The following SYNM variants were observed in gnomAD, a reference collection of about 807,000 sequenced individuals.
SYNM encodes synemin, also known as desmuslin.
Under a neutral mutation model 104.0 loss-of-function variants are expected in SYNM, and 95 were observed. That is an observed-to-expected ratio of 0.91 (90% CI 0.77 to 1.08). SYNM has a LOEUF of 1.08. SYNM is among the 50% of genes least tolerant of loss of function. The probability of loss-of-function intolerance (pLI) is 0.00; values close to 1 mark genes in which losing one functional copy is unlikely to be tolerated. For missense variants in SYNM, 2,150 were observed against 2,052.2 expected, an observed-to-expected ratio of 1.05 and a Z score of -0.92; for synonymous variants, 918 against 869.0, an observed-to-expected ratio of 1.06 and a Z score of -0.99.
intron 3 of SYNM, among the ~76,000 whole-genome samples, chr15:99,127,432 ACCTTTTAAAGC>A (rs1387213417): frequency 6.6e-6 from 1 of 152,166 alleles, no homozygotes; most frequent in African/African-American, 2.4e-5. Context: ...TTGTTTTTTA[ACCTTTTAAAGC>A]CCTATAGAAT....
Position 99,134,307 on chromosome 15 carries a change from C to T in SYNM, c.*1249C>T, listed in dbSNP as rs2151812601. 6.6e-6 allele frequency: 1 copy of T among 151,820 alleles called. No individual in the cohort carries two copies. Among genetic ancestry groups the T allele is most frequent in the African/African-American group, 2.4e-5 (1 of 41,372 alleles). The allele number at this position is 151,820 out of a possible 1,614,324, so 9.4% of individuals were successfully genotyped here. ...CTGGGGGGCGAGAAAGGCCCCCATG[C>T]TCATGGGCCGCGGAGTGTGGACCTG... On this transcript the variant is annotated 3_prime_UTR_variant, in exon 4 of 4. Coordinates refer to ENST00000336292, the MANE Select transcript of SYNM (RefSeq NM_145728.3).
At position 99,131,471 on chromosome 15, in the gene SYNM, G is replaced by T; in HGVS notation, c.3111G>T (p.Glu1037Asp). Residue 1037 changes from glutamate (E) to aspartate (D), a missense_variant, in exon 4 of 4, where the codon GAG becomes GAT. Transcript: ENST00000336292. This position sits in a 1 kb window ranked among gnomAD's most constrained non-coding sequence, Gnocchi z 4.3. ...AGGCTGTGGAGTCGGTGGTTCGGGAGAGCCTGAGCAGGCAACGCAGCCCAG... is the reference window on the plus strand; with the variant it reads ...AGGCTGTGGAGTCGGTGGTTCGGGATAGCCTGAGCAGGCAACGCAGCCCAG... ...MEKAVESVVRESLSRQRSPAP... is the reference protein window; with the variant it reads ...MEKAVESVVRDSLSRQRSPAP... The T allele has an allele frequency of 6.2e-7, 1 of 1,606,492 alleles. No individual in the cohort carries two copies. The highest frequency in any genetic ancestry group is 1.1e-5 in the South Asian group (1 of 90,754).
chr15:99,106,118 G>T lies in SYNM; in HGVS notation c.810+109G>T, dbSNP rs1157892704. On this transcript the variant is annotated intron_variant, in intron 1 of 3. Coordinates refer to ENST00000336292, the MANE Select transcript of SYNM (RefSeq NM_145728.3). ...CCCTTCACCAGGGGCGCGGCGTCGC[G>T]GACCGGTAGGGCCCGCCCAGAGGGT... The T allele has an allele frequency of 4.2e-6, 5 of 1,191,050 alleles. No homozygotes were observed. In the East Asian group the frequency reaches 1.2e-4, roughly 30 times the overall value. The allele number at this position is 1,191,050 out of a possible 1,614,324, so 73.8% of individuals were successfully genotyped here.
chr15:99,126,750 G>A lies in SYNM; in HGVS notation c.964G>A (p.Glu322Lys). Residue 322 changes from glutamate to lysine, a missense_variant, in exon 3 of 4, where the codon GAG (glutamate) becomes AAG (lysine). Physicochemically the swap from Glu to Lys is moderately conservative, Grantham distance 56. Coordinates refer to ENST00000336292, the MANE Select transcript of SYNM (RefSeq NM_145728.3). ...CTTATTGGAAGGAGAAAGTAATCCA[G>A]AGATAGTGATCTGGGCTGAGCACGT... ...RALLEGESNPEIVIWAEHVEN... is the reference protein window; with the variant it reads ...RALLEGESNPKIVIWAEHVEN... 1 of 1,581,638 alleles carries A rather than the reference G, an allele frequency of 6.3e-7. No homozygotes were observed. The highest frequency in any genetic ancestry group is 8.6e-7 in the Non-Finnish European group (1 of 1,163,004).
Position 99,105,220 on chromosome 15 carries a change from G to C in SYNM, c.21G>C (p.Gln7His). The change falls in exon 1 of 4, where the codon CAG (glutamine) becomes CAC (histidine). Residue 7 changes from glutamine (Q) to histidine (H), a missense_variant. By Grantham distance (24) the Gln-to-His change is conservative. Transcript: ENST00000336292. Reference sequence around the variant, plus strand: ...GCAAGATGCTGTCCTGGCGGCTGCAGACGGGCCCCGAGAAGGCCGAGCTCC... The same window carrying C: ...GCAAGATGCTGTCCTGGCGGCTGCACACGGGCCCCGAGAAGGCCGAGCTCC... MLSWRL[Q>H]TGPEKAELQE... is the part of the protein sequence containing the mutation. 4 of 1,573,628 alleles carry C rather than the reference G, an allele frequency of 2.5e-6. No individual in the cohort carries two copies. The highest frequency in any genetic ancestry group is 2.6e-6 in the Non-Finnish European group (3 of 1,161,456).
chr15:99,133,039 A>C lies in SYNM; in HGVS notation c.4679A>C (p.Asn1560Thr), dbSNP rs1555486275. 2 of 1,613,786 alleles carry C rather than the reference A, an allele frequency of 1.2e-6. No individual in the cohort carries two copies. The highest frequency in any genetic ancestry group is 8.5e-7 in the Non-Finnish European group (1 of 1,179,892). ...TATCTAGACAATGAGGAGGAGGAGA[A>C]TGATGGGCATTGGTTTTAATAAGCA... The part of the protein sequence containing the change: ...LLYLDNEEEE[N>T]DGHWF Residue 1560 changes from asparagine to threonine, a missense_variant, in exon 4 of 4, where the codon AAT (asparagine) becomes ACT (threonine). Transcript: ENST00000336292.
At position 99,131,976 on chromosome 15, in the gene SYNM, G is replaced by A; in HGVS notation, c.3616G>A (p.Gly1206Ser). The A allele has an allele frequency of 6.2e-7, 1 of 1,613,980 alleles. No homozygotes were observed. Among genetic ancestry groups the A allele is most frequent in the Non-Finnish European group, 8.5e-7 (1 of 1,179,914 alleles). ...AGAGGCATGGGGCTCGCCAGAACCTGGCCCAGCAGAGTCTTCTGCAGATAT... is the reference window on the plus strand; with the variant it reads ...AGAGGCATGGGGCTCGCCAGAACCTAGCCCAGCAGAGTCTTCTGCAGATAT... ...CPEAWGSPEP[G>S]PAESSADMDG... Residue 1206 changes from glycine to serine, a missense_variant, in exon 4 of 4, where the codon GGC becomes AGC. Transcript: ENST00000336292. This position sits in a 1 kb window ranked among gnomAD's most constrained non-coding sequence, Gnocchi z 4.3.
rs1380582931 is a variant in SYNM at position 99,105,572 on chromosome 15, G to C, written c.373G>C (p.Gly125Arg). The change falls in exon 1 of 4, where the codon GGC (glycine) becomes CGC (arginine). Residue 125 changes from glycine (G) to arginine (R), a missense_variant. By Grantham distance (125) the Gly-to-Arg change is moderately radical. Coordinates refer to ENST00000336292, the MANE Select transcript of SYNM (RefSeq NM_145728.3). ...AQQRELQEAL[G>R]ARAALEALLG... is the part of the protein sequence containing the mutation. ...GCAGCGCGAGCTGCAGGAGGCGCTG[G>C]GCGCGCGCGCCGCCCTCGAGGCGCT... 8.6e-6 allele frequency: 10 copies of C among 1,163,462 alleles called. No homozygotes were observed. In the Admixed American group the frequency reaches 2.4e-4, roughly 28 times the overall value. The allele number at this position is 1,163,462 out of a possible 1,614,324, so 72.1% of individuals were successfully genotyped here. A position where few individuals can be genotyped will look rare whatever the true frequency, so the allele number is the denominator to read the frequency against.
rs925287743 is a variant in SYNM, at chr15:99,106,074, G to A, written c.810+65G>A. 8.2e-6 allele frequency: 11 copies of A among 1,344,608 alleles called. No homozygotes were observed. The African/African-American group carries it at 1.5e-4, about 19-fold the overall frequency. The allele number at this position is 1,344,608 out of a possible 1,614,324, so 83.3% of individuals were successfully genotyped here. A position where few individuals can be genotyped will look rare whatever the true frequency, so the allele number is the denominator to read the frequency against. ...GCCGTCGCCCCAGCACCCTGCCCTT[G>A]ACGGCGTGGGGCAGCGGCCCCTTCA... On this transcript the variant is annotated intron_variant, in intron 1 of 3. Transcript: ENST00000336292.
Position 99,132,524 on chromosome 15 carries a change from A to C in SYNM, c.4164A>C (p.Thr1388=). 1.9e-6 allele frequency: 3 copies of C among 1,614,058 alleles called. No homozygotes were observed. The highest frequency in any genetic ancestry group is 2.5e-6 in the Non-Finnish European group (3 of 1,179,898). ...ESPQEDSAED[T]SGAEMTSGVS... is the part of the protein sequence containing the mutation. ...CCCAGGAGGATAGTGCAGAGGACACATCAGGGGCAGAAATGACATCGGGTG... is the reference window on the plus strand; with the variant it reads ...CCCAGGAGGATAGTGCAGAGGACACCTCAGGGGCAGAAATGACATCGGGTG... The change falls in exon 4 of 4, where the codon ACA becomes ACC. Residue 1388 remains threonine (T), a synonymous_variant. Transcript: ENST00000336292.
In SYNM at chr15:99,105,741, G is replaced by C. The variant is rs1555482583; in HGVS notation, c.542G>C (p.Arg181Pro). The change falls in exon 1 of 4, where the codon CGG becomes CCG. Residue 181 changes from arginine to proline, a missense_variant. By Grantham distance (103) the Arg-to-Pro change is moderately radical (BLOSUM62 -2). Transcript: ENST00000336292. Reference sequence around the variant, plus strand: ...CCCGCCGCGCCGCCGCCACGCCTGCGGGAGGTGCACGACAGCTACGCACTG... The same window carrying C: ...CCCGCCGCGCCGCCGCCACGCCTGCCGGAGGTGCACGACAGCTACGCACTG... ...TGPAAPPPRL[R>P]EVHDSYALLV... 3.3e-6 allele frequency: 5 copies of C among 1,513,218 alleles called. No homozygotes were observed. Among genetic ancestry groups the C allele is most frequent in the Middle Eastern group, 2.3e-4 (1 of 4,284 alleles). The allele number at this position is 1,513,218 out of a possible 1,614,324, so 93.7% of individuals were successfully genotyped here. A position where few individuals can be genotyped will look rare whatever the true frequency, so the allele number is the denominator to read the frequency against.
At chr15:99,140,982 G>T in the SYNM span, 3 of 152,120 alleles carry the variant, frequency 2.0e-5, no homozygotes, top group Admixed American at 6.5e-5. Context: ...GAAATCTGAT[G>T]AAATAAACAT....
chr15:99,115,197 G>A (rs1193923473), intron 2 of SYNM, among the ~76,000 whole-genome samples: 2 of 152,172 alleles, frequency 1.3e-5, no homozygotes, highest in Non-Finnish European at 2.9e-5. Context: ...GGAACATGTG[G>A]CAGTGGAGGG....
rs2067504270 is a variant in SYNM at position 99,131,357 on chromosome 15, G to A, written c.2997G>A (p.Leu999=). Reference sequence around the variant, plus strand: ...GTGCTGGTGGCAGTTCCGTGACCCTGGTTGCTGAAGTCAACGTCTCACAAA... The same window carrying A: ...GTGCTGGTGGCAGTTCCGTGACCCTAGTTGCTGAAGTCAACGTCTCACAAA... ...VQGAGGSSVT[L]VAEVNVSQTV... Residue 999 remains leucine, a synonymous_variant, in exon 4 of 4, where the codon CTG becomes CTA. Transcript: ENST00000336292. This position sits in a 1 kb window ranked among gnomAD's most constrained non-coding sequence, Gnocchi z 4.3. The A allele has an allele frequency of 2.5e-6, 4 of 1,613,316 alleles. No homozygotes were observed. The highest frequency in any genetic ancestry group is 3.4e-6 in the Non-Finnish European group (4 of 1,179,660).
chr15:99,131,963 C>A lies in SYNM; in HGVS notation c.3603C>A (p.Gly1201=). The A allele has an allele frequency of 6.2e-7, 1 of 1,613,884 alleles. No homozygotes were observed. Among genetic ancestry groups the A allele is most frequent in the Non-Finnish European group, 8.5e-7 (1 of 1,179,878 alleles). Residue 1201 remains glycine (G), a synonymous_variant, in exon 4 of 4, where the codon GGC becomes GGA. Transcript: ENST00000336292. This position sits in a 1 kb window ranked among gnomAD's most constrained non-coding sequence, Gnocchi z 4.3. The part of the protein sequence containing the change: ...GPAPACPEAW[G]SPEPGPAESS... ...CCCCTGCCTGTCCAGAGGCATGGGGCTCGCCAGAACCTGGCCCAGCAGAGT... is the reference window on the plus strand; with the variant it reads ...CCCCTGCCTGTCCAGAGGCATGGGGATCGCCAGAACCTGGCCCAGCAGAGT...
rs1474742719 is a variant in SYNM, at chr15:99,130,754, A to G, written c.2394A>G (p.Ser798=). 1.9e-6 allele frequency: 3 copies of G among 1,613,896 alleles called. No homozygotes were observed. In the African/African-American group the frequency reaches 4.0e-5, roughly 22 times the overall value. ...ATGGAGAAAGCGATGTCACATTCTC[A>G]GTTAATCAGCATCGAAGGACCAAGC... ...EGYGESDVTF[S]VNQHRRTKQP... The change falls in exon 4 of 4, where the codon TCA becomes TCG. Residue 798 remains serine, a synonymous_variant. Transcript: ENST00000336292.
chr15:99,113,495 G>A, intron 1 of SYNM, 96 bp from the exon 2 acceptor site: 1 of 1,512,768 alleles, frequency 6.6e-7, no homozygotes, highest in African/African-American at 1.4e-5. Context: ...AATAACCCTG[G>A]TCTGTTTTTC....
chr15:99,132,307 A>G lies in SYNM; in HGVS notation c.3947A>G (p.Gln1316Arg). Residue 1316 changes from glutamine to arginine, a missense_variant, in exon 4 of 4, where the codon CAG becomes CGG. Transcript: ENST00000336292. ...TSIRHISIGP[Q>R]RHQTTQQIVY... ...ATCAGGCACATCAGCATTGGGCCTC[A>G]GAGGCATCAGACCACCCAGCAGATA... 1 of 1,611,688 alleles carries G rather than the reference A, an allele frequency of 6.2e-7. No individual in the cohort carries two copies.
chr15:99,114,457 C>A (rs1555483720), intron 2 of SYNM, among the ~76,000 whole-genome samples: 2 of 152,002 alleles, frequency 1.3e-5, no homozygotes, highest in Non-Finnish European at 2.9e-5. Context: ...CAGAGCCAAA[C>A]CGTGTCACAG....
Sources: allele counts gnomAD v4.1 joint callset (sites outside exome capture counted in the v4.1 genomes callset), GRCh38; gene constraint gnomAD v4.1.1; non-coding constraint Gnocchi (gnomAD v3.1); transcripts MANE v1.5; gene names NCBI Gene and HGNC (gene_info 2026-07-23, HGNC 2026-07-21).